Variants in MEG3 observed in about 807,000 individuals in gnomAD.
The protein encoded by MEG3 is maternally expressed 3.
At chr14:100,838,464 T>C (rs767619445) in intron 2 of MEG3, among the ~76,000 whole-genome samples, 6 of 152,352 alleles carry the variant, frequency 3.9e-5, no homozygotes, top group Middle Eastern at 3.4e-3. Flanking sequence ...TTGCTGGTGA[T>C]CTTCTCGGGA....
chr14:100,835,375 T>C, exon 1 of MEG3: 1 of 153,836 alleles, frequency 6.5e-6, no homozygotes, highest in Non-Finnish European at 1.4e-5. Flanking sequence ...TCCAGCTCCT[T>C]CACTCTCTAG....
upstream of MEG3, chr14:100,853,568 C>T (rs1388306034): frequency 3.4e-5 from 5 of 146,332 alleles, no homozygotes; most frequent in Non-Finnish European, 7.4e-5. Context: ...TGCCATTATT[C>T]ACCACATACA....
In MEG3 at chr14:100,845,719, A is replaced by C. The variant is rs2037900140; in HGVS notation, n.3121+186A>C. The C allele has an allele frequency of 4.3e-6, 1 of 235,026 alleles. No individual in the cohort carries two copies. 14.6% of individuals were successfully genotyped at this position (235,026 alleles called of 1,614,324 possible). On this transcript the variant is annotated intron_variant and non_coding_transcript_variant, in intron 3 of 3. Transcript: ENST00000398461. This position sits in a 1 kb window ranked among gnomAD's most constrained non-coding sequence, Gnocchi z 5.2. Reference sequence around the variant, plus strand: ...GCAGACCTGGGGGCTCCTGTTTTCTAAGACAGGAGCCCCCTGCCTCCTTGT... The same window carrying C: ...GCAGACCTGGGGGCTCCTGTTTTCTCAGACAGGAGCCCCCTGCCTCCTTGT...
At chr14:100,851,182 C>G (rs2038061807) in intron 3 of MEG3, 1 of 152,320 alleles carries the variant, frequency 6.6e-6, no homozygotes, top group Non-Finnish European at 1.5e-5. Flanking sequence ...TGATGGTACC[C>G]CATCTATGGC....
downstream of MEG3, chr14:100,832,559 G>A (rs1049275370): frequency 6.6e-6 from 1 of 152,650 alleles, no homozygotes; most frequent in Non-Finnish European, 1.5e-5. Context: ...ACGTTAATGA[G>A]GTTAGCTGCT....
exon 1 of MEG3, chr14:100,858,819 T>A (rs1566742682): frequency 6.5e-6 from 1 of 152,768 alleles, no homozygotes; most frequent in Non-Finnish European, 1.5e-5. Flanking sequence ...AGGGGGCCCC[T>A]CCTATTGCTC....
intron 2 of MEG3, among the ~76,000 whole-genome samples, chr14:100,841,995 C>A: frequency 6.6e-6 from 1 of 152,208 alleles, no homozygotes; most frequent in East Asian, 1.9e-4. Context: ...GAAAAGTGAT[C>A]ATCACCCGCC....
intron 2 of MEG3, among the ~76,000 whole-genome samples, chr14:100,842,740 C>T (rs1758161463): frequency 6.6e-6 from 1 of 152,174 alleles, no homozygotes; most frequent in South Asian, 2.1e-4. Context: ...GTGCTGTTTG[C>T]CTCCAGAAAA....
chr14:100,827,081 G>GTCTTC (rs1469738667), intron 1 of MEG3, among the ~76,000 whole-genome samples: 12 of 152,110 alleles, frequency 7.9e-5, no homozygotes, highest in African/African-American at 2.7e-4. Context: ...GGGAGCTGGG[G>GTCTTC]ATGGGGTGCC....
intron 3 of MEG3, chr14:100,850,352 G>C (rs768532868): frequency 6.6e-6 from 1 of 152,182 alleles, no homozygotes; most frequent in African/African-American, 2.4e-5. Flanking sequence ...TTGGGAGGCC[G>C]AGGTGGGCGG....
chr14:100,836,097 T>G (rs2037566945), intron 1 of MEG3: 1 of 403,750 alleles, frequency 2.5e-6, no homozygotes, highest in African/African-American at 2.1e-5. Context: ...CCCCGAGTCT[T>G]TCTTCGGTGT....
intron 3 of MEG3, chr14:100,848,603 A>G (rs2139990183): frequency 9.3e-6 from 1 of 107,626 alleles, no homozygotes; most frequent in Middle Eastern, 4.6e-3. Context: ...GGAAAAAATG[A>G]AAATAGAAAA....
At chr14:100,826,868 G>GTTT (rs2037247815) in intron 1 of MEG3, among the ~76,000 whole-genome samples, 1 of 152,128 alleles carries the variant, frequency 6.6e-6, no homozygotes, top group Non-Finnish European at 1.5e-5. Context: ...CACTTTCACA[G>GTTT]TGGAGAGAGA....
intron 3 of MEG3, chr14:100,846,712 C>T (rs2037927844): frequency 6.6e-6 from 1 of 152,130 alleles, no homozygotes; most frequent in African/African-American, 2.4e-5. Flanking sequence ...GACCATGGTT[C>T]ATCCGCTTTG....
chr14:100,843,067 G>A (rs1052849074), intron 2 of MEG3, among the ~76,000 whole-genome samples: 1 of 152,156 alleles, frequency 6.6e-6, no homozygotes, highest in African/African-American at 2.4e-5. Flanking sequence ...TTAAACCAAG[G>A]CACGAATTTG....
At chr14:100,830,325 T>C (rs35458454), downstream of MEG3, 33,624 of 148,184 alleles carry the variant, frequency 0.23, 3,940 homozygotes, top group Admixed American at 0.33. Flanking sequence ...GTTTCTTTCA[T>C]GGTCTAAATG....
upstream of MEG3, chr14:100,854,516 G>A (rs1002149741): frequency 1.3e-5 from 2 of 152,342 alleles, no homozygotes; most frequent in African/African-American, 4.8e-5. Flanking sequence ...TTCTCCCTGG[G>A]AAGTGGGTGA....
At chr14:100,844,299 A>G (rs934241152) in intron 2 of MEG3, among the ~76,000 whole-genome samples, 1 of 151,918 alleles carries the variant, frequency 6.6e-6, no homozygotes, top group African/African-American at 2.4e-5. Context: ...GTGTTTTCAA[A>G]CAGACCTTGG....
chr14:100,847,874 C>T (rs145352201), intron 3 of MEG3: 6 of 152,184 alleles, frequency 3.9e-5, no homozygotes, highest in African/African-American at 1.2e-4. Flanking sequence ...CATAAGGGCA[C>T]CTGACTCCAC....
Sources: gnomAD v4.1 joint callset for allele counts (sites outside exome capture counted in the v4.1 genomes callset) on GRCh38, gnomAD v4.1.1 for gene constraint, Gnocchi (gnomAD v3.1) non-coding constraint, MANE v1.5 for transcripts, NCBI Gene and HGNC (gene_info 2026-07-23, HGNC 2026-07-21) for gene names.